Variants in FMN1 observed in about 807,000 individuals in gnomAD.
FMN1 encodes the protein formin-1.
A neutral mutation model predicts 132.4 loss-of-function variants in FMN1; 110 were observed. That is an observed-to-expected ratio of 0.83 (90% CI 0.71 to 0.97). The LOEUF is 0.97. Ranked by LOEUF, FMN1 falls within the 50% of genes least tolerant of loss-of-function variation. The probability of loss-of-function intolerance (pLI) is 0.00; values close to 1 mark genes in which losing one functional copy is unlikely to be tolerated. For missense variants in FMN1, 1,792 were observed against 1,705.3 expected, an observed-to-expected ratio of 1.05 and a Z score of -0.90; for synonymous variants, 722 against 651.7, an observed-to-expected ratio of 1.11 and a Z score of -1.64.
At position 32,769,995 on chromosome 15, in the gene FMN1, A is replaced by G. The variant is rs2056175111; in HGVS notation, c.*4315T>C. 1 of 152,236 alleles carries G rather than the reference A, an allele frequency of 6.6e-6. No individual in the cohort carries two copies. The highest frequency in any genetic ancestry group is 2.4e-5 in the African/African-American group (1 of 41,462). The allele number at this position is 152,236 out of a possible 1,614,324, so 9.4% of individuals were successfully genotyped here. A position where few individuals can be genotyped will look rare whatever the true frequency, so the allele number is the denominator to read the frequency against. On this transcript the variant is annotated 3_prime_UTR_variant, in exon 21 of 21. Transcript: ENST00000616417. The stretch of plus-strand genomic sequence containing the variant: ...TGCTTGTTAGCAATTTAAAAAGACA[A>G]TTTAAACTGTTTTATAAAATCAGAT...
intron 4 of FMN1, among the ~76,000 whole-genome samples, chr15:33,105,472 C>T (rs1411334955): frequency 2.6e-5 from 4 of 152,052 alleles, no homozygotes; most frequent in Non-Finnish European, 5.9e-5. Flanking sequence ...GTCAATGGTT[C>T]AGACTTCTCA....
chr15:33,192,625 T>G (rs747025839), intron 2 of FMN1, among the ~76,000 whole-genome samples: 1 of 152,176 alleles, frequency 6.6e-6, no homozygotes, highest in Non-Finnish European at 1.5e-5. Flanking sequence ...ACAGGTGGCT[T>G]CAATAGTGGC....
intron 11 of FMN1, among the ~76,000 whole-genome samples, chr15:32,910,032 A>G (rs1351611877): frequency 4.6e-5 from 7 of 152,124 alleles, no homozygotes; most frequent in Admixed American, 4.6e-4. Flanking sequence ...TCTAAATCCA[A>G]AACACATACC....
At chr15:33,099,924 A>C (rs2039231356) in intron 4 of FMN1, among the ~76,000 whole-genome samples, 1 of 152,196 alleles carries the variant, frequency 6.6e-6, no homozygotes, top group Non-Finnish European at 1.5e-5. Flanking sequence ...GACTCAAAAG[A>C]GGAGGTGAGA....
intron 7 of FMN1, among the ~76,000 whole-genome samples, chr15:32,984,360 T>TA (rs2032916008): frequency 6.6e-6 from 1 of 152,160 alleles, no homozygotes; most frequent in Non-Finnish European, 1.5e-5. Flanking sequence ...ACAGTGCAAT[T>TA]AGCACAGTTT....
chr15:33,169,377 A>G (rs1965228178), intron 3 of FMN1, among the ~76,000 whole-genome samples: 1 of 152,212 alleles, frequency 6.6e-6, no homozygotes, highest in South Asian at 2.1e-4. Context: ...GAAAACATAA[A>G]ACAGTTTAAT....
At position 32,769,368 on chromosome 15, in the gene FMN1, G is replaced by A. The variant is rs1388036670; in HGVS notation, c.*4942C>T. ...AGATTGCCCATTCCTTGGGAAGGGA[G>A]ATGAAGAATTGTGAAACCAAAATGC... On this transcript the variant is annotated 3_prime_UTR_variant, in exon 21 of 21. Coordinates refer to ENST00000616417, the MANE Select transcript of FMN1 (RefSeq NM_001277313.2). The A allele has an allele frequency of 1.3e-5, 2 of 152,166 alleles. No individual in the cohort carries two copies. Among genetic ancestry groups the A allele is most frequent in the Admixed American group, 1.3e-4 (2 of 15,282 alleles). 9.4% of individuals were successfully genotyped at this position (152,166 alleles called of 1,614,324 possible). A position where few individuals can be genotyped will look rare whatever the true frequency, so the allele number is the denominator to read the frequency against.
At chr15:33,148,671 A>G (rs1964324702) in intron 4 of FMN1, among the ~76,000 whole-genome samples, 1 of 150,886 alleles carries the variant, frequency 6.6e-6, no homozygotes, top group South Asian at 2.1e-4. Flanking sequence ...GGCTCCAGTG[A>G]CCACGCACGC....
Position 33,108,662 on chromosome 15 carries a change from T to G in FMN1, c.1868-19688A>C, listed in dbSNP as rs201205673. 3.3e-5 allele frequency among the ~76,000 whole-genome samples: 5 copies of G among 152,110 alleles called. No homozygotes were observed. In the East Asian group the frequency reaches 9.6e-4, roughly 29 times the overall value. On this transcript the variant is annotated intron_variant, in intron 4 of 20. Coordinates refer to ENST00000616417, the MANE Select transcript of FMN1 (RefSeq NM_001277313.2). The stretch of plus-strand genomic sequence containing the variant: ...CTCCCCACTCTTAAGAAAGGTCAAC[T>G]GATAGCCCTTGGCTCCTGATGTGTA...
intron 18 of FMN1, 79 bp from the exon 19 acceptor site, chr15:32,799,032 C>A (rs1389628103): frequency 8.1e-7 from 1 of 1,227,518 alleles, no homozygotes; most frequent in Non-Finnish European, 1.1e-6. Context: ...AGGGGGGATG[C>A]TGGGGGCAGT....
At chr15:32,970,822 T>C (rs1441543154) in intron 7 of FMN1, 1 of 152,186 alleles carries the variant, frequency 6.6e-6, no homozygotes, top group Non-Finnish European at 1.5e-5. Context: ...TTAACTATTT[T>C]TTACTAGGTT....
At chr15:33,020,330 AC>A (rs1238988168) in intron 6 of FMN1, among the ~76,000 whole-genome samples, 2 of 146,562 alleles carry the variant, frequency 1.4e-5, no homozygotes, top group African/African-American at 2.5e-5. Context: ...GACCCCCCCA[AC>A]CCCCCCACCA....
chr15:32,949,966 C>CACACAT (rs1555503134), intron 9 of FMN1, among the ~76,000 whole-genome samples: 1 of 7,406 alleles, frequency 1.4e-4, no homozygotes, highest in Non-Finnish European at 2.9e-4. Flanking sequence ...TATATATATA[C>CACACAT]ACACATATAT....
At chr15:33,171,993 A>T (rs1389582688) in intron 3 of FMN1, among the ~76,000 whole-genome samples, 1 of 152,056 alleles carries the variant, frequency 6.6e-6, no homozygotes, top group Non-Finnish European at 1.5e-5. Context: ...GTGGATCACG[A>T]GGTCAGGAGA....
chr15:33,137,072 A>C (rs918405789), intron 4 of FMN1, among the ~76,000 whole-genome samples: 2 of 134,596 alleles, frequency 1.5e-5, no homozygotes, highest in African/African-American at 2.8e-5. Flanking sequence ...TGGGCGACAG[A>C]GCAAGACCCC....
At chr15:32,783,208 G>A (rs949179789) in intron 19 of FMN1, among the ~76,000 whole-genome samples, 3 of 151,296 alleles carry the variant, frequency 2.0e-5, no homozygotes, top group African/African-American at 7.4e-5. Flanking sequence ...TGGAAATATA[G>A]GAAACAAACA....
At position 32,766,744 on chromosome 15, in the gene FMN1, G is replaced by C. The variant is rs2056061792; in HGVS notation, c.*7566C>G. The C allele has an allele frequency of 6.6e-6, 1 of 152,158 alleles. No homozygotes were observed. The highest frequency in any genetic ancestry group is 1.5e-5 in the Non-Finnish European group (1 of 68,070). The allele number at this position is 152,158 out of a possible 1,614,324, so 9.4% of individuals were successfully genotyped here. A position where few individuals can be genotyped will look rare whatever the true frequency, so the allele number is the denominator to read the frequency against. On this transcript the variant is annotated 3_prime_UTR_variant, in exon 21 of 21. Coordinates refer to ENST00000616417, the MANE Select transcript of FMN1 (RefSeq NM_001277313.2). Reference sequence around the variant, plus strand: ...ACGGAGCACAGGGTGTGAGAGGATGGAGGAGGGGCCAAGGGAGCTACTCAG... The same window carrying C: ...ACGGAGCACAGGGTGTGAGAGGATGCAGGAGGGGCCAAGGGAGCTACTCAG...
chr15:33,090,840 T>C (rs938870812), intron 4 of FMN1, among the ~76,000 whole-genome samples: 3 of 152,186 alleles, frequency 2.0e-5, no homozygotes, highest in Non-Finnish European at 4.4e-5. Context: ...CTGAGGAAGA[T>C]AGTACTGCTT....
At chr15:32,823,264 C>T (rs1377160470) in intron 17 of FMN1, among the ~76,000 whole-genome samples, 1 of 148,254 alleles carries the variant, frequency 6.7e-6, no homozygotes, top group Admixed American at 6.9e-5. Context: ...TGGGTTCACA[C>T]CATTCTCCTG....
Sources: gnomAD v4.1 joint callset for allele counts (sites outside exome capture counted in the v4.1 genomes callset) on GRCh38, gnomAD v4.1.1 for gene constraint, MANE v1.5 for transcripts, NCBI Gene and HGNC (gene_info 2026-07-23, HGNC 2026-07-21) for gene names.